XXYLT1: variants seen among roughly 807,000 people sequenced by gnomAD.
XXYLT1 encodes the protein UDP-xylose:alpha-xyloside alpha-1,3-xylosyltransferase.
Under a neutral mutation model 28.9 loss-of-function variants are expected in XXYLT1, and 20 were observed. That is an observed-to-expected ratio of 0.69 (90% CI 0.49 to 1.00). The LOEUF (loss-of-function observed/expected upper bound fraction) is 1.00, where lower values mean the gene tolerates loss of function less well. Ranked by LOEUF, XXYLT1 falls within the 50% of genes least tolerant of loss-of-function variation. XXYLT1 has a pLI of 0.00. For synonymous variants in XXYLT1, 257 were observed against 253.8 expected, an observed-to-expected ratio of 1.01 and a Z score of -0.12; for missense variants, 542 against 560.1, an observed-to-expected ratio of 0.97 and a Z score of 0.33.
Position 195,173,424 on chromosome 3 carries a change from G to A in XXYLT1, c.653-16843C>T, listed in dbSNP as rs1422781842. 1.3e-5 allele frequency among the ~76,000 whole-genome samples: 2 copies of A among 152,132 alleles called. No individual in the cohort carries two copies. The highest frequency in any genetic ancestry group is 1.5e-5 in the Non-Finnish European group (1 of 68,018). On this transcript the variant is annotated intron_variant, in intron 2 of 3. Transcript: ENST00000310380. This position sits in a 1 kb window ranked among gnomAD's most constrained non-coding sequence, Gnocchi z 4.3. ...TTGTGTTGTTACCTAGGAGGTGCTC[G>A]ACACTAAGTAACATTCTGGTTCATA...
rs1718017270 is a variant in XXYLT1 at position 195,115,857 on chromosome 3, G to T, written c.785+40592C>A. ...ATGGGGGCAGCTCTGTATGAAAACT[G>T]GAGGCGCTGAGGCTGTCCTCAGGCT... On this transcript the variant is annotated intron_variant, in intron 3 of 3. Coordinates refer to ENST00000310380, the MANE Select transcript of XXYLT1 (RefSeq NM_152531.5). This position sits in a 1 kb window ranked among gnomAD's most constrained non-coding sequence, Gnocchi z 4.2. 1.3e-5 allele frequency among the ~76,000 whole-genome samples: 2 copies of T among 152,170 alleles called. No homozygotes were observed. Among genetic ancestry groups the T allele is most frequent in the African/African-American group, 4.8e-5 (2 of 41,444 alleles).
chr3:195,196,711 G>A (rs906520082), intron 2 of XXYLT1, among the ~76,000 whole-genome samples: 3 of 152,186 alleles, frequency 2.0e-5, no homozygotes, highest in African/African-American at 4.8e-5. Flanking sequence ...AGACCCAACC[G>A]TGTAAAAGCA....
rs536219303 is a variant in XXYLT1, at chr3:195,173,214, G to A, written c.653-16633C>T. Among the ~76,000 whole-genome samples, 23 of 152,348 alleles carry A rather than the reference G, an allele frequency of 1.5e-4. No individual in the cohort carries two copies. The South Asian group carries it at 3.9e-3, about 26-fold the overall frequency. On this transcript the variant is annotated intron_variant, in intron 2 of 3. Transcript: ENST00000310380. The surrounding 1 kb of genome is among the most constrained non-coding windows in gnomAD (Gnocchi z 4.3). ...CATAGAGCTCTCCCACTAGGGAACC[G>A]CATCTCCCCTGCATTTTAGGTCCCC...
At chr3:195,106,254 C>T (rs921042746) in intron 3 of XXYLT1, among the ~76,000 whole-genome samples, 35 of 141,296 alleles carry the variant, frequency 2.5e-4, no homozygotes, top group Non-Finnish European at 1.0e-4. Context: ...TGTGCTGTGT[C>T]GTTTTTGATG....
chr3:195,087,698 A>G (rs976033708), intron 3 of XXYLT1, among the ~76,000 whole-genome samples: 2 of 152,190 alleles, frequency 1.3e-5, no homozygotes, highest in Non-Finnish European at 2.9e-5. Flanking sequence ...GCCGAATAGG[A>G]ACAGCTCTGG....
intron 3 of XXYLT1, among the ~76,000 whole-genome samples, chr3:195,134,874 TGCGC>T (rs1553808211): frequency 1.6e-5 from 2 of 128,996 alleles, no homozygotes; most frequent in East Asian, 2.6e-4. Flanking sequence ...TGTGTGCGTG[TGCGC>T]GCGTGCGCGC....
At chr3:195,246,406 C>T (rs140143605) in intron 1 of XXYLT1, among the ~76,000 whole-genome samples, 88 of 152,312 alleles carry the variant, frequency 5.8e-4, no homozygotes, top group African/African-American at 2.0e-3. Context: ...GATACAGAGA[C>T]GAAGACCGTG....
intron 2 of XXYLT1, among the ~76,000 whole-genome samples, chr3:195,163,433 C>T (rs1720970289): frequency 1.3e-5 from 2 of 152,244 alleles, no homozygotes; most frequent in Admixed American, 6.5e-5. Flanking sequence ...CTGACACCTG[C>T]TCCTGCCCTT....
intron 2 of XXYLT1, among the ~76,000 whole-genome samples, chr3:195,182,676 T>C (rs535993636): frequency 3.3e-5 from 5 of 152,304 alleles, no homozygotes; most frequent in Non-Finnish European, 7.4e-5. Context: ...ATCAAGAGTG[T>C]AGATCTTAAT....
intron 1 of XXYLT1, among the ~76,000 whole-genome samples, chr3:195,241,112 C>G (rs1040382468): frequency 3.0e-4 from 46 of 152,344 alleles, no homozygotes; most frequent in East Asian, 3.9e-4. Context: ...CAAGGCCGAC[C>G]TGAAGAAGCA....
At chr3:195,120,616 G>A (rs910137952) in intron 3 of XXYLT1, among the ~76,000 whole-genome samples, 2 of 152,108 alleles carry the variant, frequency 1.3e-5, no homozygotes, top group Non-Finnish European at 2.9e-5. Context: ...CATGACTATC[G>A]TTAGCATTGC....
At chr3:195,112,483 CGCATGG>C (rs1717787729) in intron 3 of XXYLT1, among the ~76,000 whole-genome samples, 1 of 133,518 alleles carries the variant, frequency 7.5e-6, no homozygotes, top group African/African-American at 2.7e-5. Context: ...CATGCACACA[CGCATGG>C]ACACATGCAC....
intron 3 of XXYLT1, among the ~76,000 whole-genome samples, chr3:195,084,533 C>A (rs1715617141): frequency 6.6e-6 from 1 of 152,200 alleles, no homozygotes; most frequent in Non-Finnish European, 1.5e-5. Context: ...GAGATGGCAG[C>A]CTCAGTGTAA....
chr3:195,069,757 C>T lies in XXYLT1; in HGVS notation c.1140G>A (p.Lys380=). The T allele has an allele frequency of 6.2e-7, 1 of 1,613,986 alleles. No homozygotes were observed. The highest frequency in any genetic ancestry group is 8.5e-7 in the Non-Finnish European group (1 of 1,180,012). Residue 380 remains lysine, a synonymous_variant, in exon 4 of 4, where the codon AAG becomes AAA. Transcript: ENST00000310380. ...GAGTGTTGCAGTTCCCGTGGTAGATCTTGACGTGGCCCTCACACCTGAAAT... is the reference window on the plus strand; with the variant it reads ...GAGTGTTGCAGTTCCCGTGGTAGATTTTGACGTGGCCCTCACACCTGAAAT... ...EAYFRCEGHV[K]IYHGNCNTPI... is the part of the protein sequence containing the mutation.
chr3:195,249,680 C>A (rs1356785053), intron 1 of XXYLT1, among the ~76,000 whole-genome samples: 2 of 152,198 alleles, frequency 1.3e-5, no homozygotes, highest in Non-Finnish European at 2.9e-5. Flanking sequence ...AAGGGTTGCC[C>A]TCGCTTCACT....
At chr3:195,228,881 C>T (rs996353583) in intron 1 of XXYLT1, among the ~76,000 whole-genome samples, 5 of 151,078 alleles carry the variant, frequency 3.3e-5, no homozygotes, top group African/African-American at 1.2e-4. Context: ...GGCGTGATCT[C>T]GGCTCACTGT....
At chr3:195,112,749 A>G (rs575537345) in intron 3 of XXYLT1, among the ~76,000 whole-genome samples, 3 of 136,522 alleles carry the variant, frequency 2.2e-5, no homozygotes, top group African/African-American at 7.9e-5. Context: ...GAACAGCTGA[A>G]GCAGTGCGCG....
At chr3:195,252,860 C>G (rs1209698034) in intron 1 of XXYLT1, among the ~76,000 whole-genome samples, 2 of 152,022 alleles carry the variant, frequency 1.3e-5, no homozygotes, top group Non-Finnish European at 2.9e-5. Flanking sequence ...GAACAATAAG[C>G]TGGAGACAGG....
intron 1 of XXYLT1, among the ~76,000 whole-genome samples, chr3:195,252,427 T>G (rs538775501): frequency 6.6e-6 from 1 of 152,328 alleles, no homozygotes; most frequent in South Asian, 2.1e-4. Flanking sequence ...TTTTCATTTT[T>G]CTGTTTTGGC....
Sources: allele counts gnomAD v4.1 joint callset (sites outside exome capture counted in the v4.1 genomes callset), GRCh38; gene constraint gnomAD v4.1.1; non-coding constraint Gnocchi (gnomAD v3.1); transcripts MANE v1.5; gene names NCBI Gene and HGNC (gene_info 2026-07-23, HGNC 2026-07-21).